EDEM3: variants seen among roughly 807,000 people sequenced by gnomAD.
EDEM3 encodes the protein ER degradation-enhancing alpha-mannosidase-like protein 3.
In EDEM3, 60 loss-of-function variants were observed where a neutral mutation model predicts 110.2. That is an observed-to-expected ratio of 0.54 (90% CI 0.44 to 0.67). EDEM3 has a LOEUF of 0.67. EDEM3 is among the 30% of genes least tolerant of loss of function. The pLI is 0.00. For synonymous variants in EDEM3, 352 were observed against 382.9 expected (o/e 0.92, Z 0.94); for missense variants, 996 against 1,121.0 (o/e 0.89, Z 1.59).
In EDEM3 at chr1:184,726,381, T is replaced by G; in HGVS notation, c.621A>C (p.Leu207Phe). Residue 207 changes from leucine (L) to phenylalanine (F), a missense_variant, in exon 7 of 20, where the codon TTA (leucine) becomes TTC (phenylalanine). Around this residue, in one of 5 missense-constraint regions of EDEM3, gnomAD observed 310 missense variants for 394.6 expected, o/e 0.79. Coordinates refer to ENST00000318130, the MANE Select transcript of EDEM3 (RefSeq NM_025191.4). Reference protein sequence around the residue: ...TSGLPYPRINLKFGIRKPEAR... With the variant: ...TSGLPYPRINFKFGIRKPEAR... ...CTTCTGGTTTTCTGATGCCAAACTT[T>G]AAATTAATCTGAATACAATTAGAAA... The G allele has an allele frequency of 6.2e-7, 1 of 1,613,108 alleles. No homozygotes were observed. Among genetic ancestry groups the G allele is most frequent in the Non-Finnish European group, 8.5e-7 (1 of 1,179,444 alleles).
intron 2 of EDEM3, among the ~76,000 whole-genome samples, chr1:184,747,566 T>G (rs554470175): frequency 6.6e-6 from 1 of 152,216 alleles, no homozygotes; most frequent in South Asian, 2.1e-4. Flanking sequence ...CATTGTAAAA[T>G]AGTTGAACAT....
chr1:184,736,087 G>A (rs1049643350), intron 4 of EDEM3, among the ~76,000 whole-genome samples: 5 of 152,092 alleles, frequency 3.3e-5, no homozygotes, highest in African/African-American at 9.7e-5. Context: ...TCTAACAATC[G>A]TGATTTTTCT....
chr1:184,724,564 A>C (rs1428950994), intron 7 of EDEM3, among the ~76,000 whole-genome samples: 1 of 152,222 alleles, frequency 6.6e-6, no homozygotes, highest in Non-Finnish European at 1.5e-5. Flanking sequence ...GCAGGTTTCT[A>C]AATTAATTTC....
intron 11 of EDEM3, among the ~76,000 whole-genome samples, chr1:184,718,575 T>G (rs61823882): frequency 0.071 from 10,876 of 152,160 alleles, 450 homozygotes; most frequent in African/African-American, 0.12. Context: ...ATTTGGAAAT[T>G]TTTAACGGTA....
rs114629543 is a variant in EDEM3 at position 184,707,583 on chromosome 1, T to C, written c.2037+570A>G. ...GAGTGAAAAGAGCATTGGCTTTAGA[T>C]TGTCACGATACTTGGGCTCTGGTCC... On this transcript the variant is annotated intron_variant, in intron 17 of 19. Coordinates refer to ENST00000318130, the MANE Select transcript of EDEM3 (RefSeq NM_025191.4). Among the ~76,000 whole-genome samples the C allele has an allele frequency of 2.8e-3, 434 of 152,324 alleles. 5 individuals are homozygous for C. In the East Asian group the frequency reaches 0.036, roughly 13 times the overall value.
intron 13 of EDEM3, among the ~76,000 whole-genome samples, chr1:184,714,144 T>C (rs1161476475): frequency 6.6e-6 from 1 of 152,222 alleles, no homozygotes; most frequent in African/African-American, 2.4e-5. Context: ...ATGAGCAGGA[T>C]ACTGATAATT....
chr1:184,753,183 CT>C lies in EDEM3; in HGVS notation c.158+1305del, dbSNP rs370067315. 2.8e-3 allele frequency among the ~76,000 whole-genome samples: 433 copies of C among 151,966 alleles called. 5 individuals are homozygous for C. The East Asian group carries it at 0.036, about 12-fold the overall frequency. ...ACCCCATGAGATAATCTTCGTTCCA[CT>C]TTTTTTCTGAGCTCAGATTTTTTTT... On this transcript the variant is annotated intron_variant, in intron 1 of 19. Coordinates refer to ENST00000318130, the MANE Select transcript of EDEM3 (RefSeq NM_025191.4).
At chr1:184,726,489 T>C (rs777495181) in intron 6 of EDEM3, 100 bp from the exon 7 acceptor site, 69 of 1,295,578 alleles carry the variant, frequency 5.3e-5, no homozygotes, top group Admixed American at 7.3e-5. Context: ...ATCATGAAAA[T>C]AATTCATAAA....
At chr1:184,718,513 A>G (rs1650681072) in intron 11 of EDEM3, among the ~76,000 whole-genome samples, 1 of 152,152 alleles carries the variant, frequency 6.6e-6, no homozygotes, top group East Asian at 1.9e-4. Flanking sequence ...GAATGCTTAG[A>G]TATCTCACAG....
chr1:184,724,452 ATTTAT>A (rs1651085202), intron 7 of EDEM3, among the ~76,000 whole-genome samples: 1 of 152,172 alleles, frequency 6.6e-6, no homozygotes, highest in Non-Finnish European at 1.5e-5. Context: ...TCTTTTTCTC[ATTTAT>A]TTTATCTACT....
At chr1:184,732,177 C>A (rs1186108862) in intron 6 of EDEM3, among the ~76,000 whole-genome samples, 1 of 151,552 alleles carries the variant, frequency 6.6e-6, no homozygotes, top group Non-Finnish European at 1.5e-5. Flanking sequence ...CTCCATTCCC[C>A]CCCACCAAAA....
chr1:184,746,155 T>A (rs1363446843), intron 2 of EDEM3, among the ~76,000 whole-genome samples: 2 of 152,200 alleles, frequency 1.3e-5, no homozygotes, highest in Non-Finnish European at 2.9e-5. Flanking sequence ...TTATTAATAG[T>A]CATGCCAATA....
intron 2 of EDEM3, 47 bp from the exon 3 acceptor site, chr1:184,737,758 A>T (rs766356360): frequency 6.6e-7 from 1 of 1,513,828 alleles, no homozygotes; most frequent in East Asian, 2.3e-5. Context: ...AAGCGAAAGC[A>T]CACATCATTT....
At chr1:184,730,333 G>A (rs1651438223) in intron 6 of EDEM3, among the ~76,000 whole-genome samples, 1 of 152,130 alleles carries the variant, frequency 6.6e-6, no homozygotes, top group South Asian at 2.1e-4. Flanking sequence ...TGTGAGTCCA[G>A]TACTTCAGAA....
At chr1:184,741,905 G>A (rs1423290951) in intron 2 of EDEM3, among the ~76,000 whole-genome samples, 1 of 152,048 alleles carries the variant, frequency 6.6e-6, no homozygotes. Context: ...TCTTGCATTT[G>A]CTGGGTGTTG....
intron 13 of EDEM3, 109 bp downstream of exon 13, chr1:184,716,779 T>C: frequency 7.0e-7 from 1 of 1,423,256 alleles, no homozygotes; most frequent in Non-Finnish European, 9.5e-7. Flanking sequence ...GGAACAAAGG[T>C]TTCTATCCTT....
rs1442726741 is a variant in EDEM3, at chr1:184,738,618, C to T, written c.205-907G>A. Among the ~76,000 whole-genome samples the T allele has an allele frequency of 2.0e-5, 3 of 152,178 alleles. 1 individual carries two copies. Among genetic ancestry groups the T allele is most frequent in the African/African-American group, 7.2e-5 (3 of 41,458 alleles). ...GCTACAAATTGAGGACACCAATCTA[C>T]ACTCAATTACATTCTCACTAACATA... On this transcript the variant is annotated intron_variant, in intron 2 of 19. Coordinates refer to ENST00000318130, the MANE Select transcript of EDEM3 (RefSeq NM_025191.4).
intron 14 of EDEM3, 50 bp from the exon 15 acceptor site, chr1:184,711,927 C>T (rs757923795): frequency 2.7e-6 from 4 of 1,471,240 alleles, no homozygotes; most frequent in Admixed American, 2.1e-5. Flanking sequence ...TTTTACTTAA[C>T]ATAATTTTTT....
In EDEM3 at chr1:184,706,819, T is replaced by C. The variant is rs1245867911; in HGVS notation, c.2038-11A>G. 15 of 1,611,696 alleles carry C rather than the reference T, an allele frequency of 9.3e-6. No homozygotes were observed. The highest frequency in any genetic ancestry group is 1.7e-5 in the Admixed American group (1 of 59,752). Reference sequence around the variant, plus strand: ...AACAAATCCTCTTGTCTGTCAGAAATAAAAGCAACTTAAATACTTTAATCT... The same window carrying C: ...AACAAATCCTCTTGTCTGTCAGAAACAAAAGCAACTTAAATACTTTAATCT... On this transcript the variant is annotated splice_polypyrimidine_tract_variant and intron_variant, in intron 17 of 19. Coordinates refer to ENST00000318130, the MANE Select transcript of EDEM3 (RefSeq NM_025191.4).
Sources: gnomAD v4.1 joint callset for allele counts (sites outside exome capture counted in the v4.1 genomes callset) on GRCh38, gnomAD v4.1.1 for gene constraint, gnomAD v4.1.1 regional missense constraint, MANE v1.5 for transcripts, NCBI Gene and HGNC (gene_info 2026-07-23, HGNC 2026-07-21) for gene names.